PCDH15: variants seen among roughly 807,000 people sequenced by gnomAD.
The protein encoded by PCDH15 is protocadherin related 15.
In PCDH15, 129 loss-of-function variants were observed where a neutral mutation model predicts 178.5. The observed-to-expected ratio is 0.72, with a 90% CI of 0.63 to 0.84. PCDH15 has a LOEUF of 0.84. Ranked by LOEUF, PCDH15 falls within the 40% of genes least tolerant of loss-of-function variation. The pLI is 0.00. For missense variants in PCDH15, 2,230 were observed against 2,099.9 expected (o/e 1.06, Z -1.21); for synonymous variants, 800 against 732.0 (o/e 1.09, Z -1.50).
chr10:53,976,923 C>A (rs561631965), intron 21 of PCDH15, among the ~76,000 whole-genome samples: 2 of 151,456 alleles, frequency 1.3e-5, no homozygotes, highest in South Asian at 4.2e-4. Flanking sequence ...GGAACTGAAA[C>A]TTACTAGAGC....
At chr10:53,852,774 T>C (rs894520470) in intron 28 of PCDH15, among the ~76,000 whole-genome samples, 2 of 152,064 alleles carry the variant, frequency 1.3e-5, no homozygotes, top group African/African-American at 4.8e-5. Context: ...AATGATCACA[T>C]GACATTCCAG....
At chr10:54,649,013 A>C (rs939303040) in intron 2 of PCDH15, among the ~76,000 whole-genome samples, 1 of 152,202 alleles carries the variant, frequency 6.6e-6, no homozygotes, top group Non-Finnish European at 1.5e-5. Context: ...AATGCAAACT[A>C]GCTGAACAGT....
chr10:54,933,274 C>G (rs945443218), intron 2 of PCDH15, among the ~76,000 whole-genome samples: 1 of 152,076 alleles, frequency 6.6e-6, no homozygotes, highest in Non-Finnish European at 1.5e-5. Flanking sequence ...CCTCAATAAG[C>G]TGAGTAATTT....
intron 2 of PCDH15, among the ~76,000 whole-genome samples, chr10:55,473,522 G>C (rs1357705643): frequency 6.6e-6 from 1 of 152,030 alleles, no homozygotes; most frequent in Non-Finnish European, 1.5e-5. Flanking sequence ...TTACAGATTA[G>C]AACACCTTGA....
intron 4 of PCDH15, among the ~76,000 whole-genome samples, chr10:54,371,440 G>T (rs1213308183): frequency 2.6e-5 from 4 of 151,776 alleles, no homozygotes; most frequent in African/African-American, 9.7e-5. Flanking sequence ...ACACTTTTGA[G>T]AATGTATAAA....
At chr10:54,878,377 CTGT>C (rs1954192895) in intron 3 of PCDH15, among the ~76,000 whole-genome samples, 1 of 152,044 alleles carries the variant, frequency 6.6e-6, no homozygotes, top group Non-Finnish European at 1.5e-5. Context: ...GTACTTTTTC[CTGT>C]TGTTATTTAC....
intron 2 of PCDH15, among the ~76,000 whole-genome samples, chr10:55,504,827 T>C (rs535639559): frequency 2.0e-5 from 3 of 151,570 alleles, no homozygotes; most frequent in South Asian, 2.1e-4. Context: ...TACATAGATA[T>C]AATGCATACA....
At chr10:54,894,632 T>A (rs1311709026) in intron 3 of PCDH15, among the ~76,000 whole-genome samples, 5 of 152,184 alleles carry the variant, frequency 3.3e-5, no homozygotes, top group African/African-American at 1.2e-4. Flanking sequence ...GACTTTTATT[T>A]CTGTATTAAA....
At chr10:54,740,421 T>C (rs1454185763) in intron 1 of PCDH15, among the ~76,000 whole-genome samples, 4 of 151,818 alleles carry the variant, frequency 2.6e-5, no homozygotes, top group South Asian at 2.1e-4. Context: ...CCTACATTCT[T>C]GGTGGGAATG....
chr10:55,571,141 T>G (rs1240167953), intron 2 of PCDH15, among the ~76,000 whole-genome samples: 2 of 151,966 alleles, frequency 1.3e-5, no homozygotes, highest in Non-Finnish European at 2.9e-5. Context: ...TGAGTTCATG[T>G]GAGAGTTGGT....
chr10:54,436,021 GGAGAGGAGAGGA>G (rs778887951), intron 3 of PCDH15, among the ~76,000 whole-genome samples: 2 of 92,578 alleles, frequency 2.2e-5, no homozygotes, highest in African/African-American at 4.5e-5. Flanking sequence ...GGAGAGGAGA[GGAGAGGAGAGGA>G]GAGAGAGAGA....
At chr10:53,905,578 T>C (rs1421697660) in intron 25 of PCDH15, among the ~76,000 whole-genome samples, 2 of 152,018 alleles carry the variant, frequency 1.3e-5, no homozygotes, top group Non-Finnish European at 2.9e-5. Flanking sequence ...CTCAGGTGAT[T>C]CACCCACCTC....
At chr10:54,127,501 T>C (rs1322617702) in intron 15 of PCDH15, among the ~76,000 whole-genome samples, 1 of 152,158 alleles carries the variant, frequency 6.6e-6, no homozygotes, top group Non-Finnish European at 1.5e-5. Context: ...GGAACAAATA[T>C]CAAGGCCTTG....
chr10:55,069,283 T>C (rs1486174264), intron 2 of PCDH15, among the ~76,000 whole-genome samples: 1 of 60,196 alleles, frequency 1.7e-5, no homozygotes, highest in Non-Finnish European at 5.5e-5. Context: ...AAAATAACAA[T>C]TTTTTTTTTA....
chr10:55,336,175 C>T (rs1844388047), intron 2 of PCDH15, among the ~76,000 whole-genome samples: 1 of 138,878 alleles, frequency 7.2e-6, no homozygotes, highest in African/African-American at 2.6e-5. Flanking sequence ...TGGAAGTTCT[C>T]TCTGACTTTC....
chr10:55,190,746 T>C (rs1270153338), intron 1 of PCDH15, among the ~76,000 whole-genome samples: 1 of 151,694 alleles, frequency 6.6e-6, no homozygotes, highest in East Asian at 1.9e-4. Context: ...TAGGAGATTT[T>C]AGAGAAAAAT....
intron 2 of PCDH15, among the ~76,000 whole-genome samples, chr10:55,017,348 T>A (rs947934427): frequency 6.6e-6 from 1 of 152,138 alleles, no homozygotes; most frequent in Non-Finnish European, 1.5e-5. Flanking sequence ...TATATGATAA[T>A]ACTAATGGGA....
intron 21 of PCDH15, among the ~76,000 whole-genome samples, chr10:53,978,732 C>T (rs1589733658): frequency 6.7e-6 from 1 of 149,836 alleles, no homozygotes; most frequent in African/African-American, 2.5e-5. Context: ...TCCTTTTGAA[C>T]ACTTTGCTAC....
At chr10:55,186,433 C>CAT (rs1485622612) in intron 1 of PCDH15, among the ~76,000 whole-genome samples, 1 of 151,112 alleles carries the variant, frequency 6.6e-6, no homozygotes, top group Non-Finnish European at 1.5e-5. Context: ...TTAATAAATA[C>CAT]ATATATATAC....
Sources: gnomAD v4.1 joint callset for allele counts (sites outside exome capture counted in the v4.1 genomes callset) on GRCh38, gnomAD v4.1.1 for gene constraint, MANE v1.5 for transcripts, NCBI Gene and HGNC (gene_info 2026-07-23, HGNC 2026-07-21) for gene names.